GALNT13: variants seen among roughly 807,000 people sequenced by gnomAD.
The protein encoded by GALNT13 is polypeptide N-acetylgalactosaminyltransferase 13, also known as UDP-GalNAc:polypeptide N-acetylgalactosaminyltransferase 13.
A neutral mutation model predicts 64.2 loss-of-function variants in GALNT13; 28 were observed. That is an observed-to-expected ratio of 0.44 (90% CI 0.32 to 0.60). The LOEUF (loss-of-function observed/expected upper bound fraction) is 0.60. Ranked by LOEUF, GALNT13 falls within the 20% of genes least tolerant of loss-of-function variation. GALNT13 has a pLI of 0.05. For missense variants in GALNT13, 577 were observed against 669.8 expected (o/e 0.86, Z 1.53); for synonymous variants, 214 against 224.6 (o/e 0.95, Z 0.42).
At chr2:154,418,506 G>A (rs1403505630) in intron 11 of GALNT13, among the ~76,000 whole-genome samples, 2 of 152,140 alleles carry the variant, frequency 1.3e-5, no homozygotes, top group African/African-American at 4.8e-5. Context: ...TTGGAGTAAA[G>A]CGGCCAATAA....
chr2:153,730,541 G>A, the GALNT13 span, among the ~76,000 whole-genome samples: 7 of 151,750 alleles, frequency 4.6e-5, no homozygotes, highest in East Asian at 7.7e-4. Flanking sequence ...CAAATGTAAC[G>A]AAATAGACAA....
At chr2:153,601,184 A>G in the GALNT13 span, among the ~76,000 whole-genome samples, 5 of 151,390 alleles carry the variant, frequency 3.3e-5, no homozygotes, top group African/African-American at 9.7e-5. Flanking sequence ...TGCCCTGTCA[A>G]TTTATAGCAC....
chr2:153,181,687 TTA>T, the GALNT13 span, among the ~76,000 whole-genome samples: 1 of 145,902 alleles, frequency 6.9e-6, no homozygotes, highest in African/African-American at 2.5e-5. Context: ...GTAAATATAT[TTA>T]TATAATTATA....
chr2:153,470,480 T>C, the GALNT13 span, among the ~76,000 whole-genome samples: 2 of 152,130 alleles, frequency 1.3e-5, 1 homozygote, highest in South Asian at 4.1e-4. Context: ...CTCTTTCTGC[T>C]GGGGTTATTA....
the GALNT13 span, among the ~76,000 whole-genome samples, chr2:153,654,175 A>G: frequency 6.6e-6 from 1 of 152,148 alleles, no homozygotes; most frequent in Admixed American, 6.6e-5. Context: ...TCCAAATCCT[A>G]AAGAAATGCA....
the GALNT13 span, among the ~76,000 whole-genome samples, chr2:153,524,387 C>A: frequency 6.7e-6 from 1 of 150,336 alleles, no homozygotes; most frequent in East Asian, 2.0e-4. Context: ...ATTCCCCCTG[C>A]AAGGACACCA....
intron 2 of GALNT13, among the ~76,000 whole-genome samples, chr2:153,924,675 C>T (rs1286189712): frequency 1.3e-5 from 2 of 152,146 alleles, no homozygotes; most frequent in East Asian, 3.9e-4. Context: ...ATACTCTCAC[C>T]AACAGTATAT....
At chr2:153,522,448 C>G in the GALNT13 span, among the ~76,000 whole-genome samples, 1 of 151,934 alleles carries the variant, frequency 6.6e-6, no homozygotes, top group Non-Finnish European at 1.5e-5. Flanking sequence ...TGTAAGAAAC[C>G]AGTGTACTGT....
intron 8 of GALNT13, chr2:154,287,261 T>A: frequency 1.2e-6 from 1 of 836,732 alleles, no homozygotes; most frequent in Non-Finnish European, 2.0e-6. Flanking sequence ...CGACGGCAAC[T>A]CCAAGACAGC....
chr2:153,137,594 G>C, the GALNT13 span, among the ~76,000 whole-genome samples: 1 of 151,930 alleles, frequency 6.6e-6, no homozygotes, highest in Admixed American at 6.6e-5. Context: ...ATTGTACCTG[G>C]ATAAATTATT....
intron 3 of GALNT13, among the ~76,000 whole-genome samples, chr2:153,986,673 GCTTTAA>G (rs1450909895): frequency 6.6e-6 from 1 of 151,860 alleles, no homozygotes; most frequent in East Asian, 1.9e-4. Flanking sequence ...CTGTACTAGT[GCTTTAA>G]CTAGCAAAAC....
chr2:153,861,971 T>G, the GALNT13 span, among the ~76,000 whole-genome samples: 1 of 152,180 alleles, frequency 6.6e-6, no homozygotes, highest in African/African-American at 2.4e-5. Context: ...GTTTGCAGAC[T>G]GGTGGGGAGG....
Position 154,245,852 on chromosome 2 carries a change from G to A in GALNT13, c.727G>A (p.Asp243Asn). The stretch of plus-strand genomic sequence containing the variant: ...CCCTATCATTGATGTGATTAGTGAT[G>A]ATACTTTTGAATATATGGCTGGGTC... The part of the protein sequence containing the change: ...VCPIIDVISD[D>N]TFEYMAGSDM... The change falls in exon 7 of 13, where the codon GAT becomes AAT. Residue 243 changes from aspartate (D) to asparagine (N), a missense_variant. Around this residue, in one of 3 missense-constraint regions of GALNT13, gnomAD observed 341 missense variants for 379.3 expected, o/e 0.90. Coordinates refer to ENST00000392825, the MANE Select transcript of GALNT13 (RefSeq NM_052917.4). The A allele has an allele frequency of 6.2e-7, 1 of 1,612,648 alleles. No homozygotes were observed. Among genetic ancestry groups the A allele is most frequent in the Non-Finnish European group, 8.5e-7 (1 of 1,179,054 alleles).
At chr2:153,327,442 GT>G in the GALNT13 span, among the ~76,000 whole-genome samples, 2 of 151,992 alleles carry the variant, frequency 1.3e-5, no homozygotes, top group East Asian at 3.9e-4. Context: ...TGAAACGTAG[GT>G]TTGGTCTTTT....
chr2:153,748,129 G>A, the GALNT13 span, among the ~76,000 whole-genome samples: 701 of 152,108 alleles, frequency 4.6e-3, 3 homozygotes, highest in Non-Finnish European at 7.8e-3. Context: ...ATTTCATTTG[G>A]TATATATTCC....
At chr2:153,180,808 G>T in the GALNT13 span, among the ~76,000 whole-genome samples, 1 of 150,926 alleles carries the variant, frequency 6.6e-6, no homozygotes, top group African/African-American at 2.4e-5. Context: ...TTTCTTCTAG[G>T]TTATCCAATA....
chr2:153,822,726 A>G, the GALNT13 span, among the ~76,000 whole-genome samples: 1 of 152,050 alleles, frequency 6.6e-6, no homozygotes, highest in Non-Finnish European at 1.5e-5. Flanking sequence ...AGACAAGAAT[A>G]CTCACTCTCA....
intron 10 of GALNT13, among the ~76,000 whole-genome samples, chr2:154,406,933 A>G (rs1435559036): frequency 6.6e-6 from 1 of 152,198 alleles, no homozygotes; most frequent in East Asian, 1.9e-4. Flanking sequence ...TATCTTTTGT[A>G]GAAAATAGAT....
At chr2:154,222,621 C>T (rs1292614256) in intron 4 of GALNT13, among the ~76,000 whole-genome samples, 1 of 152,138 alleles carries the variant, frequency 6.6e-6, no homozygotes, top group African/African-American at 2.4e-5. Context: ...AGCTCCTAGA[C>T]ACCCTGAAGA....
Sources: gnomAD v4.1 joint callset for allele counts (sites outside exome capture counted in the v4.1 genomes callset) on GRCh38, gnomAD v4.1.1 for gene constraint, gnomAD v4.1.1 regional missense constraint, MANE v1.5 for transcripts, NCBI Gene and HGNC (gene_info 2026-07-23, HGNC 2026-07-21) for gene names.